RIMS4: variants seen among roughly 807,000 people sequenced by gnomAD.
RIMS4 encodes regulating synaptic membrane exocytosis protein 4.
Under a neutral mutation model 29.0 loss-of-function variants are expected in RIMS4, and 9 were observed. That is an observed-to-expected ratio of 0.31 (90% CI 0.19 to 0.54). The LOEUF is 0.54. RIMS4 is among the 20% of genes least tolerant of loss of function. The pLI, the probability that RIMS4 is intolerant of heterozygous loss-of-function variation, is 0.94. For missense variants in RIMS4, 193 were observed against 365.7 expected, an observed-to-expected ratio of 0.53 and a Z score of 3.85; for synonymous variants, 130 against 152.9, an observed-to-expected ratio of 0.85 and a Z score of 1.10.
chr20:44,766,133 G>A (rs1300768058), intron 2 of RIMS4, among the ~76,000 whole-genome samples: 2 of 152,158 alleles, frequency 1.3e-5, no homozygotes, highest in Non-Finnish European at 2.9e-5. Flanking sequence ...AGGAACGGTA[G>A]GCCCTACCCG....
chr20:44,774,441 TA>T (rs1374784920), intron 1 of RIMS4, among the ~76,000 whole-genome samples: 1 of 151,910 alleles, frequency 6.6e-6, no homozygotes, highest in Non-Finnish European at 1.5e-5. Context: ...ATGGCCAGAA[TA>T]AAAGCAAGCA....
Position 44,756,338 on chromosome 20 carries a change from C to A in RIMS4, c.606G>T (p.Gly202=), listed in dbSNP as rs1183673052. The A allele has an allele frequency of 1.2e-6, 2 of 1,613,674 alleles. No homozygotes were observed. The highest frequency in any genetic ancestry group is 1.7e-5 in the Admixed American group (1 of 59,980). ...GCTTCCGCTCCATCCGCCCGTAGTT[C>A]CCCCACACGATCACCTGTGGGGCAA... ...QGKVLQVIVW[G]NYGRMERKQF... is the part of the protein sequence containing the mutation. The change falls in exon 6 of 6, where the codon GGG becomes GGT. Residue 202 remains glycine, a synonymous_variant. Transcript: ENST00000372851. The surrounding 1 kb of genome is among the most constrained non-coding windows in gnomAD (Gnocchi z 5.9).
chr20:44,793,103 T>C (rs566542592), intron 1 of RIMS4, among the ~76,000 whole-genome samples: 1 of 152,208 alleles, frequency 6.6e-6, no homozygotes, highest in Non-Finnish European at 1.5e-5. Flanking sequence ...AAGGATGCCA[T>C]ATAAGCGCTG....
rs1013142223 is a variant in RIMS4, at chr20:44,755,200, T to C, written c.*934A>G. On this transcript the variant is annotated 3_prime_UTR_variant, in exon 6 of 6. Transcript: ENST00000372851. ...GCAGGGTGGGTAGACAGGATGACCA[T>C]TGACCTCATGCAACAAGGAGGGGTT... is the stretch of plus-strand genomic sequence containing the variant. 6 of 152,432 alleles carry C rather than the reference T, an allele frequency of 3.9e-5. No individual in the cohort carries two copies. Among genetic ancestry groups the C allele is most frequent in the Non-Finnish European group, 7.4e-5 (5 of 67,994 alleles). The allele number at this position is 152,432 out of a possible 1,614,324, so 9.4% of individuals were successfully genotyped here. A position where few individuals can be genotyped will look rare whatever the true frequency, so the allele number is the denominator to read the frequency against.
intron 2 of RIMS4, 46 bp from the exon 3 acceptor site, chr20:44,758,230 A>C (rs1285275820): frequency 1.4e-6 from 2 of 1,380,170 alleles, no homozygotes; most frequent in Non-Finnish European, 2.0e-6. Flanking sequence ...CCAGTGGTTT[A>C]CCAACAACTC....
chr20:44,800,104 A>G (rs2066271406), intron 1 of RIMS4, among the ~76,000 whole-genome samples: 1 of 152,202 alleles, frequency 6.6e-6, no homozygotes, highest in Non-Finnish European at 1.5e-5. Flanking sequence ...CTGGCTGTGG[A>G]GCTCGTTACT....
At chr20:44,765,087 C>A (rs1344869694) in intron 2 of RIMS4, among the ~76,000 whole-genome samples, 1 of 152,140 alleles carries the variant, frequency 6.6e-6, no homozygotes, top group Non-Finnish European at 1.5e-5. Flanking sequence ...AATTAATACC[C>A]ATTTTATAAA....
chr20:44,775,847 C>T lies in RIMS4; in HGVS notation c.98-4434G>A, dbSNP rs369067204. On this transcript the variant is annotated intron_variant, in intron 1 of 5. Coordinates refer to ENST00000372851, the MANE Select transcript of RIMS4 (RefSeq NM_182970.4). Reference sequence around the variant, plus strand: ...GTAGTTGTACCCATTTACACCCAACCAGCACATTGGGAAGGAAATTTATTT... The same window carrying T: ...GTAGTTGTACCCATTTACACCCAACTAGCACATTGGGAAGGAAATTTATTT... Among the ~76,000 whole-genome samples the T allele has an allele frequency of 1.3e-4, 20 of 152,346 alleles. No homozygotes were observed. In the East Asian group the frequency reaches 1.7e-3, roughly 13 times the overall value.
chr20:44,810,165 G>A lies in RIMS4; in HGVS notation c.97+10C>T. 6.4e-7 allele frequency: 1 copy of A among 1,569,488 alleles called. No homozygotes were observed. The highest frequency in any genetic ancestry group is 8.7e-7 in the Non-Finnish European group (1 of 1,151,970). On this transcript the variant is annotated intron_variant, in intron 1 of 5. Coordinates refer to ENST00000372851, the MANE Select transcript of RIMS4 (RefSeq NM_182970.4). ...ACCCCGGGGGTCTGGGGGGCGGGCC[G>A]CGCGCTTACCTGCGTCCTCGTCGTC...
chr20:44,770,128 T>C (rs910893664), intron 2 of RIMS4, among the ~76,000 whole-genome samples: 2 of 152,166 alleles, frequency 1.3e-5, no homozygotes, highest in East Asian at 1.9e-4. Context: ...AGTCTTCCCA[T>C]GTGCACAAGA....
intron 1 of RIMS4, among the ~76,000 whole-genome samples, chr20:44,772,362 T>A (rs1401441606): frequency 6.6e-6 from 1 of 152,180 alleles, no homozygotes; most frequent in East Asian, 1.9e-4. Context: ...GCGAAGACCA[T>A]AAACTCCATG....
At chr20:44,772,229 T>C (rs1030045360) in intron 1 of RIMS4, among the ~76,000 whole-genome samples, 1 of 152,044 alleles carries the variant, frequency 6.6e-6, no homozygotes, top group Admixed American at 6.5e-5. Flanking sequence ...TCCTGGCCCC[T>C]CCAAAACAGC....
chr20:44,785,230 C>CTTTGT (rs1555861867), intron 1 of RIMS4, among the ~76,000 whole-genome samples: 23 of 142,926 alleles, frequency 1.6e-4, no homozygotes, highest in African/African-American at 2.0e-4. Context: ...CATTCTTCTT[C>CTTTGT]TTTTTTTTTT....
rs1335061544 is a variant in RIMS4 at position 44,752,952 on chromosome 20, G to A, written c.*3182C>T. The A allele has an allele frequency of 6.5e-6, 1 of 152,796 alleles. No homozygotes were observed. The highest frequency in any genetic ancestry group is 2.4e-5 in the African/African-American group (1 of 41,474). 9.5% of individuals were successfully genotyped at this position (152,796 alleles called of 1,614,324 possible). ...TGGCAACCCTCTCCCCCAGACCCAG[G>A]CCCAGAGAAGTCACTGGTTTATAGA... On this transcript the variant is annotated 3_prime_UTR_variant, in exon 6 of 6. Coordinates refer to ENST00000372851, the MANE Select transcript of RIMS4 (RefSeq NM_182970.4).
At chr20:44,785,118 G>A (rs902219241) in intron 1 of RIMS4, among the ~76,000 whole-genome samples, 19 of 152,226 alleles carry the variant, frequency 1.2e-4, no homozygotes, top group African/African-American at 4.3e-4. Context: ...GGAGCCTCTT[G>A]GGAGTGGATA....
chr20:44,763,774 T>C (rs2066096152), intron 2 of RIMS4, among the ~76,000 whole-genome samples: 1 of 152,218 alleles, frequency 6.6e-6, no homozygotes, highest in Non-Finnish European at 1.5e-5. Flanking sequence ...GTGAAAGAAG[T>C]AACTGGCTCA....
intron 1 of RIMS4, among the ~76,000 whole-genome samples, chr20:44,808,099 C>CAA (rs1305386343): frequency 6.7e-6 from 1 of 148,836 alleles, no homozygotes; most frequent in African/African-American, 2.5e-5. Context: ...TATATATATA[C>CAA]ACACACACCC....
intron 1 of RIMS4, among the ~76,000 whole-genome samples, chr20:44,789,307 A>T (rs759041970): frequency 6.6e-6 from 1 of 152,062 alleles, no homozygotes; most frequent in Non-Finnish European, 1.5e-5. Context: ...TTATTATTAT[A>T]ATTTTTTTGA....
At position 44,786,294 on chromosome 20, in the gene RIMS4, C is replaced by T. The variant is rs188389279; in HGVS notation, c.98-14881G>A. 6.0e-3 allele frequency among the ~76,000 whole-genome samples: 916 copies of T among 152,294 alleles called. 6 individuals are homozygous for T. The highest frequency in any genetic ancestry group is 7.5e-3 in the Non-Finnish European group (507 of 68,020). ...CACCCCCACCATCATTCCCAAACTGCTCCATGGTTGGCCAAGTGAGAGTCG... is the reference window on the plus strand; with the variant it reads ...CACCCCCACCATCATTCCCAAACTGTTCCATGGTTGGCCAAGTGAGAGTCG... On this transcript the variant is annotated intron_variant, in intron 1 of 5. Coordinates refer to ENST00000372851, the MANE Select transcript of RIMS4 (RefSeq NM_182970.4).
Sources: gnomAD v4.1 joint callset for allele counts (sites outside exome capture counted in the v4.1 genomes callset) on GRCh38, gnomAD v4.1.1 for gene constraint, Gnocchi (gnomAD v3.1) non-coding constraint, MANE v1.5 for transcripts, NCBI Gene and HGNC (gene_info 2026-07-23, HGNC 2026-07-21) for gene names.